The following SFI1 variants were observed in gnomAD, a reference collection of about 807,000 sequenced individuals.
The protein encoded by SFI1 is protein SFI1 homolog.
Under a neutral mutation model 207.5 loss-of-function variants are expected in SFI1, and 195 were observed. The ratio of observed to expected loss-of-function variants is 0.94; its 90% CI spans 0.84 to 1.06. SFI1 has a LOEUF of 1.06. Ranked by LOEUF, SFI1 falls within the 50% of genes least tolerant of loss-of-function variation. The pLI is 0.00. For missense variants in SFI1, 1,634 were observed against 1,588.0 expected, an observed-to-expected ratio of 1.03 and a Z score of -0.49; for synonymous variants, 630 against 598.9, an observed-to-expected ratio of 1.05 and a Z score of -0.76.
intron 15 of SFI1, 109 bp from the exon 16 acceptor site, chr22:31,602,103 A>T: frequency 1.1e-6 from 1 of 929,764 alleles, no homozygotes; most frequent in African/African-American, 1.6e-5. Flanking sequence ...CACCTCTTAT[A>T]CGATAGCATG....
intron 2 of SFI1, among the ~76,000 whole-genome samples, chr22:31,522,212 C>T (rs971828508): frequency 5.9e-5 from 9 of 151,942 alleles, no homozygotes; most frequent in African/African-American, 1.7e-4. Flanking sequence ...GGATTACAGG[C>T]GCGTGCCACC....
At chr22:31,584,396 G>A (rs2064750425) in intron 13 of SFI1, among the ~76,000 whole-genome samples, 1 of 152,120 alleles carries the variant, frequency 6.6e-6, no homozygotes, top group Admixed American at 6.5e-5. Context: ...TTTCTGTGAG[G>A]AAAACTCAGA....
intron 8 of SFI1, among the ~76,000 whole-genome samples, chr22:31,572,494 CCTT>C (rs2145835665): frequency 6.6e-6 from 1 of 152,094 alleles, no homozygotes; most frequent in South Asian, 2.1e-4. Context: ...TGTTTCTGCT[CCTT>C]GTCTGCTTGT....
chr22:31,552,662 A>G (rs1381577709), intron 6 of SFI1, among the ~76,000 whole-genome samples: 6 of 152,072 alleles, frequency 3.9e-5, no homozygotes, highest in Admixed American at 3.3e-4. Context: ...TTTTAATATA[A>G]TAATTTCTCT....
intron 4 of SFI1, among the ~76,000 whole-genome samples, chr22:31,531,671 G>A (rs2058541533): frequency 6.6e-6 from 1 of 151,768 alleles, no homozygotes; most frequent in Non-Finnish European, 1.5e-5. Context: ...AGGTGGGCGG[G>A]TCACCTGACA....
intron 8 of SFI1, 120 bp from the exon 9 acceptor site, chr22:31,572,938 C>G: frequency 1.9e-6 from 2 of 1,026,540 alleles, no homozygotes; most frequent in Non-Finnish European, 2.9e-6. Context: ...GGGATTGCCA[C>G]TTCCTTGTTT....
chr22:31,597,313 A>T (rs1227304983), intron 15 of SFI1, among the ~76,000 whole-genome samples: 1 of 152,234 alleles, frequency 6.6e-6, no homozygotes, highest in Non-Finnish European at 1.5e-5. Flanking sequence ...GGGTATAGCC[A>T]GGAGGCTTGC....
chr22:31,573,718 G>A (rs1009922710), intron 9 of SFI1, among the ~76,000 whole-genome samples: 6 of 152,166 alleles, frequency 3.9e-5, no homozygotes, highest in Admixed American at 2.0e-4. Context: ...GATTGCAGGC[G>A]TGAGCCACTG....
intron 4 of SFI1, among the ~76,000 whole-genome samples, chr22:31,546,123 G>C (rs1771654384): frequency 1.3e-5 from 2 of 151,794 alleles, no homozygotes. Flanking sequence ...CTGAACTCCA[G>C]CAGTCCAACT....
intron 4 of SFI1, among the ~76,000 whole-genome samples, chr22:31,546,150 G>T (rs932306902): frequency 1.3e-5 from 2 of 151,608 alleles, no homozygotes; most frequent in Admixed American, 6.6e-5. Context: ...GCCTCCCAAG[G>T]TGCTGGCATT....
At chr22:31,550,443 A>AC in intron 6 of SFI1, 95 bp downstream of exon 6, 1 of 909,726 alleles carries the variant, frequency 1.1e-6, no homozygotes, top group Non-Finnish European at 1.7e-6. Flanking sequence ...AGAGAGAGGA[A>AC]CTCTAGGCCA....
chr22:31,557,415 G>A (rs182623829), intron 7 of SFI1, among the ~76,000 whole-genome samples: 2 of 150,720 alleles, frequency 1.3e-5, no homozygotes, highest in Admixed American at 6.6e-5. Context: ...TCTTGAGTTC[G>A]TGGGCTCAAG....
At chr22:31,532,780 G>A (rs142356643) in intron 4 of SFI1, among the ~76,000 whole-genome samples, 5 of 152,290 alleles carry the variant, frequency 3.3e-5, no homozygotes, top group African/African-American at 9.6e-5. Flanking sequence ...ATCAATCACT[G>A]TGACACAGGT....
At chr22:31,508,761 A>G (rs2055045122) in intron 2 of SFI1, among the ~76,000 whole-genome samples, 1 of 152,136 alleles carries the variant, frequency 6.6e-6, no homozygotes, top group African/African-American at 2.4e-5. Flanking sequence ...TCGGCACCTT[A>G]TAACGTGGCA....
chr22:31,550,383 C>A, intron 6 of SFI1, 35 bp downstream of exon 6: 1 of 1,538,942 alleles, frequency 6.5e-7, no homozygotes, highest in Non-Finnish European at 9.0e-7. Flanking sequence ...AAGAAGATGC[C>A]CACATTTACT....
At chr22:31,589,044 A>G (rs1463694746) in intron 14 of SFI1, among the ~76,000 whole-genome samples, 1 of 152,166 alleles carries the variant, frequency 6.6e-6, no homozygotes, top group Non-Finnish European at 1.5e-5. Flanking sequence ...GGGGTGGGGA[A>G]ATATTTAAGA....
Position 31,614,832 on chromosome 22 carries a change from T to A in SFI1, c.3040T>A (p.Phe1014Ile), listed in dbSNP as rs2071101492. ...SARKQPRRPH[F>I]LLEPAQSQRP... ...GAGGAAGCAGCCGCGACGCCCACAC[T>A]TCCTGTTGGAGCCTGCGCAGAGCCA... The change falls in exon 28 of 33, where the codon TTC (phenylalanine) becomes ATC (isoleucine). Residue 1014 changes from phenylalanine to isoleucine, a missense_variant. Coordinates refer to ENST00000400288, the MANE Select transcript of SFI1 (RefSeq NM_001007467.3). 1.2e-6 allele frequency: 2 copies of A among 1,613,714 alleles called. No individual in the cohort carries two copies. The highest frequency in any genetic ancestry group is 1.7e-6 in the Non-Finnish European group (2 of 1,180,018).
chr22:31,586,945 G>C (rs1167542264), intron 14 of SFI1, among the ~76,000 whole-genome samples: 1 of 152,058 alleles, frequency 6.6e-6, no homozygotes, highest in Non-Finnish European at 1.5e-5. Context: ...ATCACCTCTT[G>C]GTATAGGTAT....
chr22:31,583,551 G>A (rs2064626482), intron 12 of SFI1, among the ~76,000 whole-genome samples: 1 of 152,174 alleles, frequency 6.6e-6, no homozygotes, highest in Admixed American at 6.5e-5. Context: ...ACATTTATGC[G>A]AGACTACTTC....
Sources: gnomAD v4.1 joint callset for allele counts (sites outside exome capture counted in the v4.1 genomes callset) on GRCh38, gnomAD v4.1.1 for gene constraint, MANE v1.5 for transcripts, NCBI Gene and HGNC (gene_info 2026-07-23, HGNC 2026-07-21) for gene names.